RCAN2: variants seen among roughly 807,000 people sequenced by gnomAD.
RCAN2 encodes the protein calcipressin-2.
RCAN2 carries 9 observed loss-of-function variants against 23.6 expected under a neutral mutation model. That is an observed-to-expected ratio of 0.38 (90% CI 0.23 to 0.67). The LOEUF (loss-of-function observed/expected upper bound fraction) is 0.67, where lower values mean the gene tolerates loss of function less well. Ranked by LOEUF, RCAN2 falls within the 30% of genes least tolerant of loss-of-function variation. RCAN2 has a pLI of 0.51. For missense variants in RCAN2, 273 were observed against 302.3 expected, an observed-to-expected ratio of 0.90 and a Z score of 0.72; for synonymous variants, 109 against 115.7, an observed-to-expected ratio of 0.94 and a Z score of 0.37.
intron 2 of RCAN2, among the ~76,000 whole-genome samples, chr6:46,272,098 G>GA (rs1260481456): frequency 2.6e-5 from 4 of 152,228 alleles, no homozygotes; most frequent in African/African-American, 9.6e-5. Flanking sequence ...GCTAGTGACA[G>GA]TATAGCTGGG....
At chr6:46,226,425 T>C (rs1360177687) in intron 4 of RCAN2, among the ~76,000 whole-genome samples, 2 of 152,232 alleles carry the variant, frequency 1.3e-5, no homozygotes, top group Non-Finnish European at 2.9e-5. Flanking sequence ...GAGCATGGAA[T>C]GTTCTTCCAT....
chr6:46,490,984 A>AC (rs1433674317), intron 1 of RCAN2, among the ~76,000 whole-genome samples, 189 bp downstream of exon 1: 43 of 139,648 alleles, frequency 3.1e-4, no homozygotes, highest in African/African-American at 1.1e-3. Flanking sequence ...CTGGAGACAA[A>AC]CCCCACCCCC....
chr6:46,470,006 A>G (rs1184910739), intron 1 of RCAN2, among the ~76,000 whole-genome samples: 1 of 152,158 alleles, frequency 6.6e-6, no homozygotes, highest in Non-Finnish European at 1.5e-5. Flanking sequence ...GATCTTGGAC[A>G]CCTTGATCTT....
chr6:46,472,173 A>G (rs76741288), intron 1 of RCAN2, among the ~76,000 whole-genome samples: 2,855 of 152,352 alleles, frequency 0.019, 42 homozygotes, highest in Middle Eastern at 0.041. Flanking sequence ...TGTACTTTAC[A>G]TCAAGTACAT....
At chr6:46,412,602 G>T (rs1766579363) in intron 2 of RCAN2, among the ~76,000 whole-genome samples, 1 of 152,156 alleles carries the variant, frequency 6.6e-6, no homozygotes, top group Admixed American at 6.5e-5. Context: ...GAAAACAGAT[G>T]GCAATGTCAC....
chr6:46,398,484 C>T (rs1268873126), intron 2 of RCAN2, among the ~76,000 whole-genome samples: 1 of 151,984 alleles, frequency 6.6e-6, no homozygotes, highest in African/African-American at 2.4e-5. Context: ...TAACCTTAAC[C>T]CAGTAATATA....
chr6:46,414,636 G>C (rs975030604), intron 2 of RCAN2, among the ~76,000 whole-genome samples: 1 of 152,194 alleles, frequency 6.6e-6, no homozygotes, highest in Admixed American at 6.5e-5. Flanking sequence ...CCTTAATAGA[G>C]AAAAGACTAA....
intron 2 of RCAN2, among the ~76,000 whole-genome samples, chr6:46,280,363 GA>G (rs1196691414): frequency 6.6e-6 from 1 of 152,094 alleles, no homozygotes; most frequent in Admixed American, 6.6e-5. Context: ...TTGTAGCCAG[GA>G]ATTGGCACAC....
At chr6:46,226,606 G>A (rs988161218) in intron 4 of RCAN2, among the ~76,000 whole-genome samples, 13 of 152,174 alleles carry the variant, frequency 8.5e-5, no homozygotes, top group Non-Finnish European at 1.5e-4. Flanking sequence ...TGGTGTATAT[G>A]AATGCTTGTG....
intron 2 of RCAN2, among the ~76,000 whole-genome samples, chr6:46,394,619 TAG>T (rs769319039): frequency 5.4e-4 from 83 of 152,318 alleles, no homozygotes; most frequent in Non-Finnish European, 9.9e-4. Context: ...CTATAAAAAG[TAG>T]ATTACCTAGG....
rs371231878 is a variant in RCAN2 at position 46,371,414 on chromosome 6, G to A, written c.225+85338C>T. 1.9e-4 allele frequency among the ~76,000 whole-genome samples: 29 copies of A among 152,304 alleles called. No homozygotes were observed. In the South Asian group the frequency reaches 2.3e-3, roughly 12 times the overall value. On this transcript the variant is annotated intron_variant, in intron 2 of 4. Transcript: ENST00000371374. ...GCCTATGCCTCTGGGTCAGGCTTCC[G>A]CCATCATATCTCATGGTATCTCTAG...
At chr6:46,260,774 A>C (rs1329964575) in intron 2 of RCAN2, among the ~76,000 whole-genome samples, 1 of 152,154 alleles carries the variant, frequency 6.6e-6, no homozygotes, top group African/African-American at 2.4e-5. Context: ...AAGTCTCCCA[A>C]TGGGTCTATG....
At chr6:46,283,086 A>C (rs947653139) in intron 2 of RCAN2, among the ~76,000 whole-genome samples, 4 of 152,132 alleles carry the variant, frequency 2.6e-5, no homozygotes, top group African/African-American at 9.7e-5. Context: ...AATCCAGGGA[A>C]TCTCAGGAAA....
At chr6:46,484,026 A>AT (rs1482858633) in intron 1 of RCAN2, among the ~76,000 whole-genome samples, 1 of 152,238 alleles carries the variant, frequency 6.6e-6, no homozygotes, top group Non-Finnish European at 1.5e-5. Flanking sequence ...ATTAAACCTC[A>AT]TAAGAGAAGT....
At chr6:46,268,595 A>G (rs1239359211) in intron 2 of RCAN2, among the ~76,000 whole-genome samples, 1 of 152,202 alleles carries the variant, frequency 6.6e-6, no homozygotes, top group Non-Finnish European at 1.5e-5. Context: ...GGTGATAAAC[A>G]TTTCAAGTCA....
chr6:46,452,708 G>A (rs1158409832), intron 2 of RCAN2, among the ~76,000 whole-genome samples: 1 of 152,104 alleles, frequency 6.6e-6, no homozygotes, highest in Non-Finnish European at 1.5e-5. Context: ...GACAAGTAAA[G>A]GACTCATGTT....
intron 2 of RCAN2, among the ~76,000 whole-genome samples, chr6:46,287,348 G>A (rs770749435): frequency 1.3e-5 from 2 of 152,188 alleles, no homozygotes; most frequent in Non-Finnish European, 1.5e-5. Flanking sequence ...AAACACTTAC[G>A]TAGCCCAGTT....
At chr6:46,300,144 G>A (rs1762860526) in intron 2 of RCAN2, among the ~76,000 whole-genome samples, 1 of 151,374 alleles carries the variant, frequency 6.6e-6, no homozygotes, top group African/African-American at 2.4e-5. Context: ...GGAAAAAAGA[G>A]GGAAAAAGGG....
Position 46,393,923 on chromosome 6 carries a change from A to G in RCAN2, c.225+62829T>C, listed in dbSNP as rs1028877858. 3.3e-5 allele frequency among the ~76,000 whole-genome samples: 5 copies of G among 152,198 alleles called. No homozygotes were observed. The East Asian group carries it at 9.6e-4, about 29-fold the overall frequency. ...TTTTTAAAATTGATAAGAACCTTTG[A>G]CATTAATATCAACAAATCCGGCTCG... On this transcript the variant is annotated intron_variant, in intron 2 of 4. Transcript: ENST00000371374.
Sources: allele counts gnomAD v4.1 joint callset (sites outside exome capture counted in the v4.1 genomes callset), GRCh38; gene constraint gnomAD v4.1.1; transcripts MANE v1.5; gene names NCBI Gene and HGNC (gene_info 2026-07-23, HGNC 2026-07-21).